The following XKR9 variants were observed in gnomAD, a reference collection of about 807,000 sequenced individuals.
XKR9 encodes XK related 9.
A neutral mutation model predicts 32.0 loss-of-function variants in XKR9; 32 were observed. That is an observed-to-expected ratio of 1.00 (90% CI 0.76 to 1.34). XKR9 has a LOEUF of 1.34. Ranked by LOEUF, XKR9 falls within the 40% of genes most tolerant of loss-of-function variation. The pLI, the probability that XKR9 is intolerant of heterozygous loss-of-function variation, is 0.00. For synonymous variants in XKR9, 168 were observed against 143.4 expected (o/e 1.17, Z -1.22); for missense variants, 546 against 429.7 (o/e 1.27, Z -2.39).
chr8:70,767,485 CTCTT>C (rs1348628046), intron 2 of XKR9, among the ~76,000 whole-genome samples: 3 of 140,792 alleles, frequency 2.1e-5, no homozygotes, highest in Non-Finnish European at 4.6e-5. Flanking sequence ...TGATTCTTCT[CTCTT>C]TTCCTTCTTT....
chr8:70,992,833 G>A, the XKR9 span, among the ~76,000 whole-genome samples: 232 of 152,306 alleles, frequency 1.5e-3, 1 homozygote, highest in African/African-American at 5.4e-3. Context: ...TCCCCTCAGA[G>A]GTCTGAGTCC....
At chr8:70,979,528 G>A in the XKR9 span, among the ~76,000 whole-genome samples, 1 of 152,182 alleles carries the variant, frequency 6.6e-6, no homozygotes, top group African/African-American at 2.4e-5. Context: ...TTTGCTGGAG[G>A]TCCACTCCAG....
intron 2 of XKR9, among the ~76,000 whole-genome samples, chr8:70,773,577 T>TA (rs1173383728): frequency 6.6e-6 from 1 of 152,226 alleles, no homozygotes; most frequent in Non-Finnish European, 1.5e-5. Context: ...GTTAATCTTT[T>TA]ATGATGTGTA....
chr8:70,966,736 A>G, the XKR9 span, among the ~76,000 whole-genome samples: 1 of 152,150 alleles, frequency 6.6e-6, no homozygotes, highest in Non-Finnish European at 1.5e-5. Context: ...GTCTCCCAAT[A>G]TTATTGTGTG....
At chr8:70,794,628 A>C (rs1807805142), downstream of XKR9, among the ~76,000 whole-genome samples, 1 of 151,964 alleles carries the variant, frequency 6.6e-6, no homozygotes, top group Admixed American at 6.6e-5. Context: ...TTAAACTGTC[A>C]TTCTATTAAT....
the XKR9 span, among the ~76,000 whole-genome samples, chr8:70,886,889 A>G: frequency 2.6e-5 from 4 of 152,292 alleles, no homozygotes; most frequent in East Asian, 3.9e-4. Context: ...CTTTAGTTTA[A>G]TTAGATCCCG....
At chr8:70,984,772 G>A in the XKR9 span, among the ~76,000 whole-genome samples, 65 of 152,276 alleles carry the variant, frequency 4.3e-4, no homozygotes, top group Non-Finnish European at 8.2e-4. Context: ...AAGGACTTAA[G>A]CCTGTGAAAA....
the XKR9 span, among the ~76,000 whole-genome samples, chr8:70,976,193 G>A: frequency 6.6e-6 from 1 of 152,034 alleles, no homozygotes; most frequent in African/African-American, 2.4e-5. Flanking sequence ...TGCAGAGAGG[G>A]ACAATTTGAC....
At chr8:70,817,319 T>A in the XKR9 span, among the ~76,000 whole-genome samples, 1 of 152,192 alleles carries the variant, frequency 6.6e-6, no homozygotes, top group East Asian at 1.9e-4. Context: ...GTAACATTTC[T>A]GTGCACCAAT....
At chr8:70,902,859 A>G in the XKR9 span, among the ~76,000 whole-genome samples, 5 of 152,076 alleles carry the variant, frequency 3.3e-5, no homozygotes, top group Non-Finnish European at 5.9e-5. Flanking sequence ...ATTTTGTTGA[A>G]GGCCTTTTCT....
At chr8:70,858,200 T>G in the XKR9 span, among the ~76,000 whole-genome samples, 2 of 152,180 alleles carry the variant, frequency 1.3e-5, no homozygotes, top group African/African-American at 4.8e-5. Flanking sequence ...ATGACATGAT[T>G]GTATATCTAG....
the XKR9 span, among the ~76,000 whole-genome samples, chr8:71,008,379 T>C: frequency 6.6e-6 from 1 of 152,194 alleles, no homozygotes; most frequent in Admixed American, 6.5e-5. Context: ...TGACAAGAGG[T>C]ATACTCATAG....
At position 70,707,031 on chromosome 8, in the gene XKR9, TTATAGA is replaced by T. The variant is rs1208088510; in HGVS notation, c.374_379del (p.Ile125_Asp126del). The T allele has an allele frequency of 6.2e-7, 1 of 1,613,378 alleles. No homozygotes were observed. Among genetic ancestry groups the T allele is most frequent in the Admixed American group, 1.7e-5 (1 of 59,982 alleles). ...GAACAAATTGATCTACATAAAGAAGTTATAGATAGAGTGACTGATTTGAGCATGCTC... is the reference window on the plus strand; with the variant it reads ...GAACAAATTGATCTACATAAAGAAGTTAGAGTGACTGATTTGAGCATGCTC... On this transcript the variant is annotated inframe_deletion, in exon 4 of 5. Transcript: ENST00000408926.
At chr8:70,917,167 T>A in the XKR9 span, among the ~76,000 whole-genome samples, 1 of 152,158 alleles carries the variant, frequency 6.6e-6, no homozygotes, top group Non-Finnish European at 1.5e-5. Flanking sequence ...TCCTCCTCTT[T>A]CCTTTACCTA....
intron 2 of XKR9, among the ~76,000 whole-genome samples, chr8:70,749,868 A>G (rs1178346758): frequency 1.3e-5 from 2 of 152,206 alleles, no homozygotes; most frequent in Non-Finnish European, 2.9e-5. Flanking sequence ...TTAGTTTTTC[A>G]TTAGACTGTT....
At chr8:70,864,165 T>C in the XKR9 span, among the ~76,000 whole-genome samples, 2 of 152,238 alleles carry the variant, frequency 1.3e-5, no homozygotes, top group African/African-American at 2.4e-5. Context: ...ATTTGTGCTT[T>C]CCCCCCCTAA....
In XKR9 at chr8:70,744,029, A is replaced by G. The variant is rs1174857791; in HGVS notation, n.352+36876A>G. Among the ~76,000 whole-genome samples the G allele has an allele frequency of 3.9e-5, 6 of 152,176 alleles. No individual in the cohort carries two copies. In the East Asian group the frequency reaches 5.8e-4, roughly 15 times the overall value. ...TTATTAATCTATAACATTTTCAGTA[A>G]TCTTTCTGTAATGTTTGCCAGTCTT... On this transcript the variant is annotated intron_variant and non_coding_transcript_variant, in intron 2 of 3. Transcript: ENST00000520273.
At chr8:70,688,210 G>A (rs141275520) in intron 3 of XKR9, among the ~76,000 whole-genome samples, 5 of 152,162 alleles carry the variant, frequency 3.3e-5, no homozygotes, top group African/African-American at 1.2e-4. Context: ...AAGTATATTA[G>A]TAGAAACAGA....
chr8:70,804,750 T>C, the XKR9 span, among the ~76,000 whole-genome samples: 1 of 152,236 alleles, frequency 6.6e-6, no homozygotes, highest in Admixed American at 6.5e-5. Context: ...CTAAATATAA[T>C]GGGTAGTCAA....
Sources: gnomAD v4.1 joint callset for allele counts (sites outside exome capture counted in the v4.1 genomes callset) on GRCh38, gnomAD v4.1.1 for gene constraint, MANE v1.5 for transcripts, NCBI Gene and HGNC (gene_info 2026-07-23, HGNC 2026-07-21) for gene names.